The following TMEM168 variants were observed in gnomAD, a reference collection of about 807,000 sequenced individuals.
TMEM168 encodes transmembrane protein 168.
A neutral mutation model predicts 53.2 loss-of-function variants in TMEM168; 40 were observed. That is an observed-to-expected ratio of 0.75 (90% CI 0.58 to 0.98). The LOEUF (loss-of-function observed/expected upper bound fraction) is 0.98. Among genes scored for constraint, TMEM168 ranks in the 50% least tolerant of loss-of-function variants. The pLI, the probability that TMEM168 is intolerant of heterozygous loss-of-function variation, is 0.00. For missense variants in TMEM168, 771 were observed against 828.8 expected, an observed-to-expected ratio of 0.93 and a Z score of 0.86; for synonymous variants, 282 against 293.0, an observed-to-expected ratio of 0.96 and a Z score of 0.38.
At position 112,783,725 on chromosome 7, in the gene TMEM168, T is replaced by C. The variant is rs762938597; in HGVS notation, c.1101A>G (p.Thr367=). The C allele has an allele frequency of 6.6e-6, 10 of 1,514,416 alleles. No individual in the cohort carries two copies. The highest frequency in any genetic ancestry group is 7.9e-6 in the Non-Finnish European group (9 of 1,133,420). The allele number at this position is 1,514,416 out of a possible 1,614,324, so 93.8% of individuals were successfully genotyped here. ...GCCAGGAAACTGCTCCCAAAATCGC[T>C]GTTGCAAGAAGACTAAAGAACACCA... ...EQLVFFSLLA[T]AILGAVSWQP... is the part of the protein sequence containing the mutation. Residue 367 remains threonine (T), a synonymous_variant, in exon 2 of 5, where the codon ACA becomes ACG. Coordinates refer to ENST00000312814, the MANE Select transcript of TMEM168 (RefSeq NM_022484.6).
rs71155069 is a variant in TMEM168 at position 112,787,713 on chromosome 7, A to ATTTTTTTTT, written c.-129+2438_-129+2446dup. On this transcript the variant is annotated intron_variant, in intron 1 of 4. Coordinates refer to ENST00000312814, the MANE Select transcript of TMEM168 (RefSeq NM_022484.6). Reference sequence around the variant, plus strand: ...ACAGGCGTGAGCCACTGCGACTGGCATTTTTTTTTTTTTTTTTTTTTTTTT... The same window carrying ATTTTTTTTT: ...ACAGGCGTGAGCCACTGCGACTGGCATTTTTTTTTTTTTTTTTTTTTTTTTTTTTTTTTT... Among the ~76,000 whole-genome samples the ATTTTTTTTT allele has an allele frequency of 3.6e-4, 14 of 38,786 alleles. 1 individual carries two copies. The highest frequency in any genetic ancestry group is 1.2e-3 in the African/African-American group (11 of 9,354). 25.4% of individuals were successfully genotyped at this position (38,786 alleles called of 152,430 possible).
intron 1 of TMEM168, among the ~76,000 whole-genome samples, chr7:112,786,311 T>C (rs554216563): frequency 2.0e-5 from 3 of 152,262 alleles, no homozygotes; most frequent in African/African-American, 7.2e-5. Flanking sequence ...AATCAACTCT[T>C]AGTACTCATC....
intron 2 of TMEM168, chr7:112,778,703 A>C (rs1341932195): frequency 6.6e-6 from 1 of 152,204 alleles, no homozygotes; most frequent in African/African-American, 2.4e-5. Context: ...TAATAATTCA[A>C]AATTCCAATT....
chr7:112,768,238 T>C (rs1792838679), intron 4 of TMEM168, among the ~76,000 whole-genome samples: 1 of 152,216 alleles, frequency 6.6e-6, no homozygotes, highest in Admixed American at 6.5e-5. Context: ...ATATAATTAT[T>C]TTCATAAATA....
At chr7:112,785,777 A>G (rs1357503589) in intron 1 of TMEM168, among the ~76,000 whole-genome samples, 1 of 152,250 alleles carries the variant, frequency 6.6e-6, no homozygotes, top group African/African-American at 2.4e-5. Flanking sequence ...CACAAGTCAC[A>G]CCTAAAAAAT....
At chr7:112,776,653 T>C (rs974121356) in intron 2 of TMEM168, among the ~76,000 whole-genome samples, 1 of 151,916 alleles carries the variant, frequency 6.6e-6, no homozygotes, top group Non-Finnish European at 1.5e-5. Context: ...AAAAGATATG[T>C]GATTAAAATC....
chr7:112,776,536 T>C (rs1230812291), intron 2 of TMEM168, among the ~76,000 whole-genome samples: 2 of 152,016 alleles, frequency 1.3e-5, no homozygotes, highest in African/African-American at 4.8e-5. Context: ...ATTCCTGCAA[T>C]AGAAAAATGA....
At position 112,766,481 on chromosome 7, in the gene TMEM168, T is replaced by A. The variant is rs1047965146; in HGVS notation, c.*716A>T. ...TCATTAAGAAAACATTAAGTTACCC[T>A]GAGAAAGACTCTTAATATTACCAGT... On this transcript the variant is annotated 3_prime_UTR_variant, in exon 5 of 5. Transcript: ENST00000312814. The A allele has an allele frequency of 1.3e-5, 2 of 152,612 alleles. No homozygotes were observed. Among genetic ancestry groups the A allele is most frequent in the African/African-American group, 4.8e-5 (2 of 41,442 alleles). 9.5% of individuals were successfully genotyped at this position (152,612 alleles called of 1,614,324 possible).
chr7:112,783,818 A>G lies in TMEM168; in HGVS notation c.1008T>C (p.Asp336=), dbSNP rs756785206. The stretch of plus-strand genomic sequence containing the variant: ...CCATGATTCTATCAAGGCTATTGTA[A>G]TCTGTCCTGTGAGTAAAATATACTT... The part of the protein sequence containing the change: ...CHKVYFTHRT[D]YNSLDRIMAS... Residue 336 remains aspartate, a synonymous_variant, in exon 2 of 5, where the codon GAT becomes GAC. Transcript: ENST00000312814. 2.3e-5 allele frequency: 37 copies of G among 1,607,780 alleles called. No homozygotes were observed. The highest frequency in any genetic ancestry group is 1.4e-4 in the Admixed American group (8 of 59,006).
At position 112,784,449 on chromosome 7, in the gene TMEM168, A is replaced by G; in HGVS notation, c.377T>C (p.Leu126Ser). The change falls in exon 2 of 5, where the codon TTG becomes TCG. Residue 126 changes from leucine (L) to serine (S), a missense_variant. By Grantham distance (145) the Leu-to-Ser change is moderately radical (BLOSUM62 -2). Transcript: ENST00000312814. ...NDVKEESTKY[L>S]LLTSIVLRIL... ...CCTTAACACTATGGATGTTAGAAGCAAATATTTGGTTGATTCTTCTTTTAC... is the reference window on the plus strand; with the variant it reads ...CCTTAACACTATGGATGTTAGAAGCGAATATTTGGTTGATTCTTCTTTTAC... 6.2e-7 allele frequency: 1 copy of G among 1,614,062 alleles called. No individual in the cohort carries two copies. The highest frequency in any genetic ancestry group is 1.1e-5 in the South Asian group (1 of 91,044).
chr7:112,788,855 A>C (rs1449545927), intron 1 of TMEM168, among the ~76,000 whole-genome samples: 1 of 152,166 alleles, frequency 6.6e-6, no homozygotes, highest in Non-Finnish European at 1.5e-5. Flanking sequence ...TTTGGCCACC[A>C]TCATGTTGAA....
chr7:112,784,988 T>A, intron 1 of TMEM168, 35 bp from the exon 2 acceptor site: 1 of 515,154 alleles, frequency 1.9e-6, no homozygotes, highest in Non-Finnish European at 3.1e-6. Flanking sequence ...AGAGTTAATT[T>A]TATATAATTT....
chr7:112,776,102 TTCTC>T (rs142935172), intron 2 of TMEM168, among the ~76,000 whole-genome samples: 3,901 of 151,754 alleles, frequency 0.026, 106 homozygotes, highest in African/African-American at 0.069. Context: ...TCTGTATTCT[TTCTC>T]TATTACTTTC....
At position 112,784,688 on chromosome 7, in the gene TMEM168, A is replaced by G. The variant is rs765357925; in HGVS notation, c.138T>C (p.Val46=). ...LGYLARINLL[V]AICLGLYVRW... The stretch of plus-strand genomic sequence containing the variant: ...TTACGTATAGACCTAAGCATATAGC[A>G]ACCAATAAATTGATTCTGGCTAAAT... Residue 46 remains valine, a synonymous_variant, in exon 2 of 5, where the codon GTT becomes GTC. Transcript: ENST00000312814. The G allele has an allele frequency of 1.2e-6, 2 of 1,614,066 alleles. No individual in the cohort carries two copies. The highest frequency in any genetic ancestry group is 2.7e-5 in the African/African-American group (2 of 75,054).
chr7:112,789,374 A>G (rs1232213119), intron 1 of TMEM168, among the ~76,000 whole-genome samples: 1 of 152,220 alleles, frequency 6.6e-6, no homozygotes, highest in African/African-American at 2.4e-5. Context: ...AAAATCCGGC[A>G]TCAAGAAGGT....
At chr7:112,775,579 A>T (rs1194103296) in intron 2 of TMEM168, among the ~76,000 whole-genome samples, 1 of 151,580 alleles carries the variant, frequency 6.6e-6, no homozygotes, top group Non-Finnish European at 1.5e-5. Context: ...AGAATTGTCA[A>T]ATAACATCCT....
rs746902602 is a variant in TMEM168, at chr7:112,767,729, C to A, written c.1562G>T (p.Arg521Leu). ...CCACCATTCTATAAGTGTGTCAAGG[C>A]GTAGTGTATCTCCACCTGTGAACAA... ...EWALAGGDTL[R>L]LDTLIEWWRE... The change falls in exon 5 of 5, where the codon CGC becomes CTC. Residue 521 changes from arginine to leucine, a missense_variant. Transcript: ENST00000312814. The A allele has an allele frequency of 2.5e-6, 4 of 1,610,260 alleles. No homozygotes were observed. The highest frequency in any genetic ancestry group is 2.7e-5 in the African/African-American group (2 of 74,796).
chr7:112,762,556 A>G lies in TMEM168; in HGVS notation c.*4641T>C, dbSNP rs538422031. On this transcript the variant is annotated 3_prime_UTR_variant, in exon 5 of 5. Transcript: ENST00000312814. Reference sequence around the variant, plus strand: ...ATGTCTTTTAGGCTAGACCAAATAAAAACAAAAGCTTACTAAAACTGTCTA... The same window carrying G: ...ATGTCTTTTAGGCTAGACCAAATAAGAACAAAAGCTTACTAAAACTGTCTA... The G allele has an allele frequency of 3.3e-5, 5 of 152,186 alleles. No individual in the cohort carries two copies. The East Asian group carries it at 9.6e-4, about 29-fold the overall frequency. The allele number at this position is 152,186 out of a possible 1,614,324, so 9.4% of individuals were successfully genotyped here.
chr7:112,776,844 T>G (rs1467256746), intron 2 of TMEM168, among the ~76,000 whole-genome samples: 1 of 152,102 alleles, frequency 6.6e-6, no homozygotes, highest in Middle Eastern at 3.4e-3. Context: ...AAAGACCAAA[T>G]GGCATTCCTA....
Sources: allele counts gnomAD v4.1 joint callset (sites outside exome capture counted in the v4.1 genomes callset), GRCh38; gene constraint gnomAD v4.1.1; transcripts MANE v1.5; gene names NCBI Gene and HGNC (gene_info 2026-07-23, HGNC 2026-07-21).